CD22: variants seen among roughly 807,000 people sequenced by gnomAD.
The protein encoded by CD22 is B-cell receptor CD22.
Under a neutral mutation model 94.7 loss-of-function variants are expected in CD22, and 51 were observed. The observed-to-expected ratio is 0.54, with a 90% CI of 0.43 to 0.68. The LOEUF (loss-of-function observed/expected upper bound fraction) is 0.68, where lower values mean the gene tolerates loss of function less well. Among genes scored for constraint, CD22 ranks in the 30% least tolerant of loss-of-function variants. The pLI, the probability that CD22 is intolerant of heterozygous loss-of-function variation, is 0.00. For synonymous variants in CD22, 424 were observed against 422.5 expected (o/e 1.00, Z -0.04); for missense variants, 931 against 1,060.4 (o/e 0.88, Z 1.69).
In CD22 at chr19:35,337,787, AG is replaced by A. The variant is rs2066746329; in HGVS notation, c.752del (p.Ser251MetfsTer4). The A allele has an allele frequency of 6.2e-7, 1 of 1,609,170 alleles. No homozygotes were observed. Among genetic ancestry groups the A allele is most frequent in the South Asian group, 1.1e-5 (1 of 90,886 alleles). ...GAAGTTGGAGATCAAGGTCACTCCC[AG>A]TGATGCCATAGTGAGGGAGGGGGAC... ...TPKLEIKVTPSDAIVREGDSV... is the reference protein window; with the variant it reads ...TPKLEIKVTPXDAIVREGDSV... On this transcript the variant is annotated frameshift_variant, in exon 5 of 14. Coordinates refer to ENST00000085219, the MANE Select transcript of CD22 (RefSeq NM_001771.4). LOFTEE classifies it high-confidence loss of function. This position sits in a 1 kb window ranked among gnomAD's most constrained non-coding sequence, Gnocchi z 4.4.
chr19:35,338,630 G>A (rs73031770), intron 6 of CD22, among the ~76,000 whole-genome samples, 199 bp downstream of exon 6: 1,610 of 151,764 alleles, frequency 0.011, 14 homozygotes, highest in Non-Finnish European at 0.017. Context: ...TTGTTTTTTT[G>A]TGTTTTAGTT....
chr19:35,346,626 C>G lies in CD22; in HGVS notation c.2473C>G (p.Leu825Val), dbSNP rs1186538754. The G allele has an allele frequency of 1.9e-6, 3 of 1,607,494 alleles. No homozygotes were observed. Among genetic ancestry groups the G allele is most frequent in the South Asian group, 2.2e-5 (2 of 89,850 alleles). The change falls in exon 14 of 14, where the codon CTG (leucine) becomes GTG (valine). Residue 825 changes from leucine to valine, a missense_variant. Coordinates refer to ENST00000085219, the MANE Select transcript of CD22 (RefSeq NM_001771.4). ...AGATGAGGGGATTCATTACTCAGAG[C>G]TGATCCAGTTTGGGGTCGGGGAGCG... ...PEDEGIHYSE[L>V]IQFGVGERPQ...
At chr19:35,333,724 T>C (rs913642681) in intron 3 of CD22, among the ~76,000 whole-genome samples, 2 of 152,172 alleles carry the variant, frequency 1.3e-5, no homozygotes, top group Admixed American at 6.5e-5. Flanking sequence ...GCTAACTTTT[T>C]AATTTGTTGT....
chr19:35,346,154 T>A lies in CD22; in HGVS notation c.2331T>A (p.Asp777Glu), dbSNP rs756001792. ...FPEMNIPRTG[D>E]AESSEMQRPP... ...GTCTATCTGCCCTGTCTCTCAGAGA[T>A]GCAGAGTCCTCAGAGATGCAGAGAC... Residue 777 changes from aspartate to glutamate, a missense_variant, in exon 13 of 14, where the codon GAT becomes GAA. Asp to Glu is a conservative substitution (Grantham distance 45). Transcript: ENST00000085219. 2.5e-6 allele frequency: 4 copies of A among 1,611,886 alleles called. No individual in the cohort carries two copies. Among genetic ancestry groups the A allele is most frequent in the Non-Finnish European group, 3.4e-6 (4 of 1,178,170 alleles).
Position 35,332,939 on chromosome 19 carries a change from G to A in CD22, c.412+15G>A, listed in dbSNP as rs770355855. 6.2e-7 allele frequency: 1 copy of A among 1,609,272 alleles called. No individual in the cohort carries two copies. The highest frequency in any genetic ancestry group is 2.2e-5 in the East Asian group (1 of 44,764). On this transcript the variant is annotated intron_variant, in intron 3 of 13. Transcript: ENST00000085219. ...CAATGTCTCTGGTAAGGCCTTCGGG[G>A]AGCGGGTCCTCTGCTCTGGGCAGGG...
At chr19:35,334,685 G>T (rs74738963) in intron 3 of CD22, among the ~76,000 whole-genome samples, 1 of 152,176 alleles carries the variant, frequency 6.6e-6, no homozygotes, top group African/African-American at 2.4e-5. Context: ...AAAGGAATGC[G>T]GTGCGTGGAT....
Position 35,344,885 on chromosome 19 carries a change from A to T in CD22, c.2092A>T (p.Ile698Phe). 1.2e-6 allele frequency: 2 copies of T among 1,614,100 alleles called. No homozygotes were observed. The highest frequency in any genetic ancestry group is 1.7e-6 in the Non-Finnish European group (2 of 1,180,000). Residue 698 changes from isoleucine (I) to phenylalanine (F), a missense_variant, in exon 10 of 14, where the codon ATC (isoleucine) becomes TTC (phenylalanine). Coordinates refer to ENST00000085219, the MANE Select transcript of CD22 (RefSeq NM_001771.4). ...TGTGGGACTCGGGTCCTGCCTCGCC[A>T]TCCTCATCCTGGCAATCTGTGGGCT... Reference protein sequence around the residue: ...VAVGLGSCLAILILAICGLKL... With the variant: ...VAVGLGSCLAFLILAICGLKL...
rs1303959389 is a variant in CD22, at chr19:35,346,596, C to T, written c.2443C>T (p.Pro815Ser). Reference protein sequence around the residue: ...GDYENVIPDFPEDEGIHYSEL... With the variant: ...GDYENVIPDFSEDEGIHYSEL... ...CTATGAGAACGTCATTCCAGATTTT[C>T]CAGAAGATGAGGGGATTCATTACTC... Residue 815 changes from proline (P) to serine (S), a missense_variant, in exon 14 of 14, where the codon CCA becomes TCA. Physicochemically the swap from Pro to Ser is moderately conservative, Grantham distance 74. Coordinates refer to ENST00000085219, the MANE Select transcript of CD22 (RefSeq NM_001771.4). 5 of 1,604,808 alleles carry T rather than the reference C, an allele frequency of 3.1e-6. No homozygotes were observed. In the African/African-American group the frequency reaches 6.7e-5, roughly 21 times the overall value.
intron 2 of CD22, 144 bp downstream of exon 2, chr19:35,332,218 T>C: frequency 1.2e-6 from 1 of 848,718 alleles, no homozygotes; most frequent in Non-Finnish European, 1.9e-6. Context: ...TACAAATATA[T>C]ATGTTTCCCA....
chr19:35,337,823 A>T lies in CD22; in HGVS notation c.787A>T (p.Met263Leu). 1.2e-6 allele frequency: 2 copies of T among 1,613,774 alleles called. No homozygotes were observed. Among genetic ancestry groups the T allele is most frequent in the South Asian group, 1.1e-5 (1 of 91,064 alleles). Residue 263 changes from methionine to leucine, a missense_variant, in exon 5 of 14, where the codon ATG becomes TTG. Transcript: ENST00000085219. The surrounding 1 kb of genome is among the most constrained non-coding windows in gnomAD (Gnocchi z 4.4). ...AIVREGDSVT[M>L]TCEVSSSNPE... is the part of the protein sequence containing the mutation. ...AGTGAGGGAGGGGGACTCTGTGACCATGACCTGCGAGGTCAGCAGCAGCAA... is the reference window on the plus strand; with the variant it reads ...AGTGAGGGAGGGGGACTCTGTGACCTTGACCTGCGAGGTCAGCAGCAGCAA...
In CD22 at chr19:35,345,713, C is replaced by G; in HGVS notation, c.2320C>G (p.Arg774Gly). The change falls in exon 12 of 14, where the codon CGA becomes GGA. Residue 774 changes from arginine to glycine, a missense_variant. By Grantham distance (125) the Arg-to-Gly change is moderately radical (BLOSUM62 -2). Transcript: ENST00000085219. ...TLRFPEMNIP[R>G]TGDAESSEMQ... ...GCGCTTTCCCGAGATGAACATACCA[C>G]GAACTGGGTACTGAGGGTACCAGGA... The G allele has an allele frequency of 6.2e-7, 1 of 1,602,672 alleles. No homozygotes were observed. The highest frequency in any genetic ancestry group is 8.6e-7 in the Non-Finnish European group (1 of 1,169,554).
chr19:35,341,169 G>C lies in CD22; in HGVS notation c.1507+31G>C, dbSNP rs746831747. ...TCCCTGGGCTAGGCAGGGGGATCTG[G>C]GAGGTGGCCCGGCTGGGATGAGGGG... On this transcript the variant is annotated intron_variant, in intron 7 of 13. Coordinates refer to ENST00000085219, the MANE Select transcript of CD22 (RefSeq NM_001771.4). This position sits in a 1 kb window ranked among gnomAD's most constrained non-coding sequence, Gnocchi z 4.0. 1 of 1,612,572 alleles carries C rather than the reference G, an allele frequency of 6.2e-7. No individual in the cohort carries two copies. The highest frequency in any genetic ancestry group is 8.5e-7 in the Non-Finnish European group (1 of 1,178,706).
chr19:35,336,409 G>T, intron 4 of CD22, 68 bp downstream of exon 4: 3 of 1,495,382 alleles, frequency 2.0e-6, no homozygotes, highest in Non-Finnish European at 2.7e-6. Flanking sequence ...CCCCGCAGGG[G>T]GCATGCACCC....
chr19:35,335,820 A>G (rs958290903), intron 3 of CD22, among the ~76,000 whole-genome samples: 1 of 152,108 alleles, frequency 6.6e-6, no homozygotes, highest in African/African-American at 2.4e-5. Flanking sequence ...GCGCCACTGC[A>G]CTCCAGCCTG....
At chr19:35,343,630 C>T (rs2145677027) in intron 9 of CD22, among the ~76,000 whole-genome samples, 1 of 152,204 alleles carries the variant, frequency 6.6e-6, no homozygotes, top group East Asian at 1.9e-4. Flanking sequence ...GCCTGTAATC[C>T]CAACACTTTG....
chr19:35,335,948 G>T, intron 3 of CD22, 88 bp from the exon 4 acceptor site: 10 of 1,063,148 alleles, frequency 9.4e-6, no homozygotes, highest in Non-Finnish European at 1.4e-5. Flanking sequence ...GGTTCCTGAG[G>T]GGTGATTTGG....
At chr19:35,345,791 G>C in intron 12 of CD22, 71 bp downstream of exon 12, 1 of 1,090,648 alleles carries the variant, frequency 9.2e-7, no homozygotes, top group Non-Finnish European at 1.4e-6. Context: ...TGTCCCGCCT[G>C]CCCTCTTTGT....
rs144867745 is a variant in CD22 at position 35,337,030 on chromosome 19, G to C, written c.718+689G>C. ...CGAGGCGGGGGGATCACAAGGTCAG[G>C]AGATCGAGACCATCCTGGCTAACAT... On this transcript the variant is annotated intron_variant, in intron 4 of 13. Transcript: ENST00000085219. This position sits in a 1 kb window ranked among gnomAD's most constrained non-coding sequence, Gnocchi z 4.4. Among the ~76,000 whole-genome samples, 5,661 of 152,182 alleles carry C rather than the reference G, an allele frequency of 0.037. 237 individuals are homozygous for C. Among genetic ancestry groups the C allele is most frequent in the African/African-American group, 0.1 (4,342 of 41,502 alleles).
chr19:35,346,568 C>T lies in CD22; in HGVS notation c.2415C>T (p.Gly805=), dbSNP rs923957733. 8.1e-6 allele frequency: 13 copies of T among 1,599,580 alleles called. No homozygotes were observed. In the East Asian group the frequency reaches 9.0e-5, roughly 11 times the overall value. ...TYSALHKRQV[G]DYENVIPDFP... is the part of the protein sequence containing the mutation. ...TAACCACCATGCGGTTTTCTCAGGG[C>T]GACTATGAGAACGTCATTCCAGATT... Residue 805 remains glycine (G), a splice_region_variant and synonymous_variant, in exon 14 of 14, where the codon GGC becomes GGT. Transcript: ENST00000085219.
Sources: allele counts gnomAD v4.1 joint callset (sites outside exome capture counted in the v4.1 genomes callset), GRCh38; gene constraint gnomAD v4.1.1; non-coding constraint Gnocchi (gnomAD v3.1); transcripts MANE v1.5; gene names NCBI Gene and HGNC (gene_info 2026-07-23, HGNC 2026-07-21).